AGTPBP1: variants seen among roughly 807,000 people sequenced by gnomAD.
AGTPBP1 encodes ATP/GTP binding carboxypeptidase 1, also known as cytosolic carboxypeptidase 1.
A neutral mutation model predicts 143.9 loss-of-function variants in AGTPBP1; 70 were observed. The ratio of observed to expected loss-of-function variants is 0.49; its 90% CI spans 0.40 to 0.59. The LOEUF (loss-of-function observed/expected upper bound fraction) is 0.59, where lower values mean the gene tolerates loss of function less well. Ranked by LOEUF, AGTPBP1 falls within the 20% of genes least tolerant of loss-of-function variation. The probability of loss-of-function intolerance (pLI) is 0.00; values close to 1 mark genes in which losing one functional copy is unlikely to be tolerated. For synonymous variants in AGTPBP1, 463 were observed against 500.2 expected, an observed-to-expected ratio of 0.93 and a Z score of 0.99; for missense variants, 1,229 against 1,464.5, an observed-to-expected ratio of 0.84 and a Z score of 2.62.
At chr9:85,715,647 C>A (rs1249985437) in intron 1 of AGTPBP1, among the ~76,000 whole-genome samples, 1 of 152,206 alleles carries the variant, frequency 6.6e-6, no homozygotes, top group Non-Finnish European at 1.5e-5. Context: ...CAGTTCTCAA[C>A]CCTGTTATCC....
At chr9:85,726,207 G>A (rs1231574444) in intron 1 of AGTPBP1, among the ~76,000 whole-genome samples, 1 of 141,976 alleles carries the variant, frequency 7.0e-6, no homozygotes, top group Non-Finnish European at 1.5e-5. Context: ...TCCAGCCTGA[G>A]TAACAGAACA....
intron 2 of AGTPBP1, among the ~76,000 whole-genome samples, chr9:85,707,222 A>G (rs1168425900): frequency 3.9e-5 from 6 of 152,186 alleles, no homozygotes; most frequent in Non-Finnish European, 7.4e-5. Flanking sequence ...TATCAGAATT[A>G]GCAGGATATC....
chr9:85,717,430 A>G (rs1435560646), intron 1 of AGTPBP1, among the ~76,000 whole-genome samples: 1 of 152,200 alleles, frequency 6.6e-6, no homozygotes, highest in East Asian at 1.9e-4. Flanking sequence ...TGAGCACGGG[A>G]GGTTAATGCT....
At chr9:85,699,698 T>C (rs955106733) in intron 2 of AGTPBP1, among the ~76,000 whole-genome samples, 1 of 152,070 alleles carries the variant, frequency 6.6e-6, no homozygotes, top group African/African-American at 2.4e-5. Flanking sequence ...ATTTTCAAAA[T>C]GCACCTTATC....
rs1023945657 is a variant in AGTPBP1 at position 85,724,302 on chromosome 9, A to AG, written c.-33-11737_-33-11736insC. ...ACTTTGTCTCAAAAAAAAAAAAAAA[A>AG]AAAGAAAGAAATAAACATCTGTTCT... On this transcript the variant is annotated intron_variant, in intron 1 of 25. Transcript: ENST00000357081. Among the ~76,000 whole-genome samples the AG allele has an allele frequency of 1.5e-4, 23 of 151,902 alleles. 1 individual carries two copies. The highest frequency in any genetic ancestry group is 6.8e-3 in the Middle Eastern group (2 of 292).
chr9:85,580,949 T>C (rs1440249406), intron 23 of AGTPBP1, among the ~76,000 whole-genome samples: 2 of 152,232 alleles, frequency 1.3e-5, no homozygotes, highest in Non-Finnish European at 2.9e-5. Context: ...GCTACATGCA[T>C]ATCTATACGG....
intron 17 of AGTPBP1, among the ~76,000 whole-genome samples, chr9:85,600,056 C>T (rs1343524901): frequency 1.3e-5 from 2 of 152,160 alleles, no homozygotes; most frequent in African/African-American, 4.8e-5. Context: ...TGGAAAATAT[C>T]ACATGTGTTA....
chr9:85,573,794 CG>C (rs1393481464), intron 25 of AGTPBP1, among the ~76,000 whole-genome samples: 3 of 151,540 alleles, frequency 2.0e-5, no homozygotes, highest in Admixed American at 6.6e-5. Flanking sequence ...TGCCCGGCAG[CG>C]ACCCCGTCTG....
chr9:85,642,675 T>C lies in AGTPBP1; in HGVS notation c.1302+152A>G, dbSNP rs531238738. The C allele has an allele frequency of 1.5e-5, 10 of 662,080 alleles. No individual in the cohort carries two copies. In the East Asian group the frequency reaches 1.9e-4, roughly 13 times the overall value. 41.0% of individuals were successfully genotyped at this position (662,080 alleles called of 1,614,324 possible). ...AATTGCTTAACTGCAGCTCAGGATATTGACATAATTATTCAATGCCACTCA... is the reference window on the plus strand; with the variant it reads ...AATTGCTTAACTGCAGCTCAGGATACTGACATAATTATTCAATGCCACTCA... On this transcript the variant is annotated intron_variant, in intron 13 of 25. Coordinates refer to ENST00000357081, the MANE Select transcript of AGTPBP1 (RefSeq NM_001330701.2).
chr9:85,765,440 C>T, the AGTPBP1 span, among the ~76,000 whole-genome samples: 1 of 151,776 alleles, frequency 6.6e-6, no homozygotes, highest in Non-Finnish European at 1.5e-5. Flanking sequence ...CAGTAAAAGA[C>T]CTTTTAGTTA....
intron 1 of AGTPBP1, among the ~76,000 whole-genome samples, chr9:85,715,552 C>A (rs1406584364): frequency 2.6e-5 from 4 of 152,164 alleles, no homozygotes; most frequent in Admixed American, 2.6e-4. Context: ...AAGCATCTAA[C>A]CCCTGGCAAA....
intron 13 of AGTPBP1, among the ~76,000 whole-genome samples, chr9:85,639,359 G>A (rs649926): frequency 0.14 from 18,864 of 137,790 alleles, 1,518 homozygotes; most frequent in East Asian, 0.37. Context: ...ACCCATGCGC[G>A]CGCACGCGCA....
intron 1 of AGTPBP1, among the ~76,000 whole-genome samples, chr9:85,735,774 T>C (rs1212005651): frequency 6.6e-6 from 1 of 152,228 alleles, no homozygotes; most frequent in Non-Finnish European, 1.5e-5. Context: ...TAATATTTTT[T>C]AATTCATTAA....
chr9:85,773,940 G>T, the AGTPBP1 span: 8 of 1,602,438 alleles, frequency 5.0e-6, no homozygotes, highest in Non-Finnish European at 5.1e-6. Flanking sequence ...ATTAGAATCT[G>T]CACTGGACCA....
At chr9:85,572,739 G>A (rs1014481037) in intron 25 of AGTPBP1, among the ~76,000 whole-genome samples, 2 of 152,120 alleles carry the variant, frequency 1.3e-5, no homozygotes, top group Admixed American at 6.5e-5. Flanking sequence ...AAGTTAAAAG[G>A]AGGCTTAAAT....
rs527897557 is a variant in AGTPBP1 at position 85,727,781 on chromosome 9, C to T, written c.-34+13994G>A. Among the ~76,000 whole-genome samples, 11 of 152,002 alleles carry T rather than the reference C, an allele frequency of 7.2e-5. 1 individual carries two copies. In the South Asian group the frequency reaches 2.3e-3, roughly 32 times the overall value. ...TGTAATCCCAAGTGCTTTGAGGAGA[C>T]CAAGGCAAGAGGATCACTTGAGGCC... is the stretch of plus-strand genomic sequence containing the variant. On this transcript the variant is annotated intron_variant, in intron 1 of 25. Transcript: ENST00000357081.
intron 23 of AGTPBP1, among the ~76,000 whole-genome samples, chr9:85,579,344 A>G (rs1828095227): frequency 6.6e-6 from 1 of 152,224 alleles, no homozygotes; most frequent in Admixed American, 6.5e-5. Flanking sequence ...TATAACCAAT[A>G]AGCAAAATAA....
chr9:85,748,754 A>G, the AGTPBP1 span, among the ~76,000 whole-genome samples: 3 of 152,334 alleles, frequency 2.0e-5, no homozygotes, highest in African/African-American at 7.2e-5. Flanking sequence ...TTCTTCTGCC[A>G]ACAACTTAGT....
intron 2 of AGTPBP1, among the ~76,000 whole-genome samples, chr9:85,707,481 T>C (rs79744364): frequency 0.015 from 2,259 of 152,248 alleles, 24 homozygotes; most frequent in Middle Eastern, 0.037. Flanking sequence ...TGATAAACTT[T>C]CAACCAGGCT....
Sources: gnomAD v4.1 joint callset for allele counts (sites outside exome capture counted in the v4.1 genomes callset) on GRCh38, gnomAD v4.1.1 for gene constraint, MANE v1.5 for transcripts, NCBI Gene and HGNC (gene_info 2026-07-23, HGNC 2026-07-21) for gene names.